Variants in UNC45B observed in about 807,000 individuals in gnomAD.
UNC45B encodes the protein protein unc-45 homolog B.
UNC45B carries 78 observed loss-of-function variants against 98.7 expected under a neutral mutation model. The observed-to-expected ratio is 0.79, with a 90% CI of 0.66 to 0.95. UNC45B has a LOEUF of 0.95. Among genes scored for constraint, UNC45B ranks in the 40% least tolerant of loss-of-function variants. The probability of loss-of-function intolerance (pLI) is 0.00; values close to 1 mark genes in which losing one functional copy is unlikely to be tolerated. For missense variants in UNC45B, 1,225 were observed against 1,184.9 expected (o/e 1.03, Z -0.50); for synonymous variants, 462 against 480.4 (o/e 0.96, Z 0.50).
At position 35,163,744 on chromosome 17, in the gene UNC45B, G is replaced by A. The variant is rs6505444; in HGVS notation, c.980-251G>A. Among the ~76,000 whole-genome samples, 47,393 of 151,976 alleles carry A rather than the reference G, an allele frequency of 0.31. 7,593 individuals carry two copies. Among genetic ancestry groups the A allele is most frequent in the Middle Eastern group, 0.38 (112 of 292 alleles). On this transcript the variant is annotated intron_variant, in intron 8 of 19. Transcript: ENST00000394570. Reference sequence around the variant, plus strand: ...AGCACTGGTAGAGTCCTCTGAGATCGACTAGTCCTGATTTTGTACACATGA... The same window carrying A: ...AGCACTGGTAGAGTCCTCTGAGATCAACTAGTCCTGATTTTGTACACATGA...
In UNC45B at chr17:35,180,546, C is replaced by G. The variant is rs776001596; in HGVS notation, c.2256-13C>G. 6 of 1,607,538 alleles carry G rather than the reference C, an allele frequency of 3.7e-6. No individual in the cohort carries two copies. In the South Asian group the frequency reaches 6.6e-5, roughly 18 times the overall value. ...GACTCAAGGGTCTTTCTTCCTCCAC[C>G]CTCCTACCCTAGGCAGAAGATCTTT... On this transcript the variant is annotated splice_polypyrimidine_tract_variant and intron_variant, in intron 17 of 19. Coordinates refer to ENST00000394570, the MANE Select transcript of UNC45B (RefSeq NM_001267052.2).
chr17:35,183,981 A>G (rs2092289032), intron 19 of UNC45B, among the ~76,000 whole-genome samples: 1 of 152,230 alleles, frequency 6.6e-6, no homozygotes, highest in South Asian at 2.1e-4. Context: ...AGTGGGCACA[A>G]TGACCAGCTC....
rs58095559 is a variant in UNC45B at position 35,148,262 on chromosome 17, A to G, written c.1-2A>G. 8.2e-5 allele frequency: 133 copies of G among 1,614,070 alleles called. No individual in the cohort carries two copies. The African/African-American group carries it at 1.5e-3, about 19-fold the overall frequency. ...CAGACAGAGCTTCTCCTGTCCCAGC[A>G]GATGGCAGAGGTGGAAGCGGTACAG... On this transcript the variant is annotated splice_acceptor_variant, in intron 1 of 19. Coordinates refer to ENST00000394570, the MANE Select transcript of UNC45B (RefSeq NM_001267052.2). LOFTEE classifies it low-confidence loss of function (5UTR_SPLICE).
chr17:35,170,607 G>A (rs1285696759), intron 12 of UNC45B, among the ~76,000 whole-genome samples: 92 of 151,978 alleles, frequency 6.1e-4, no homozygotes, highest in Non-Finnish European at 7.4e-5. Context: ...AGGCTGAGGC[G>A]GGCGGATGGC....
chr17:35,175,053 AAG>A (rs1363246547), intron 14 of UNC45B, among the ~76,000 whole-genome samples: 64 of 137,468 alleles, frequency 4.7e-4, no homozygotes, highest in Non-Finnish European at 9.1e-4. Context: ...GAAAGAAAGA[AAG>A]GAAAGAAGAA....
chr17:35,186,428 A>G lies in UNC45B; in HGVS notation c.2659A>G (p.Ser887Gly), dbSNP rs2092304652. The G allele has an allele frequency of 2.5e-6, 4 of 1,614,214 alleles. No homozygotes were observed. The highest frequency in any genetic ancestry group is 3.4e-6 in the Non-Finnish European group (4 of 1,180,032). Residue 887 changes from serine to glycine, a missense_variant, in exon 20 of 20, where the codon AGT becomes GGT. Physicochemically the swap from Ser to Gly is moderately conservative, Grantham distance 56 (BLOSUM62 0). Transcript: ENST00000394570. ...TGAGCTGGCCAAGAAGCTGGTGGAG[A>G]GTGAGCTGCTGGAGATCCTGACTGT... ...DAELAKKLVE[S>G]ELLEILTVVG...
chr17:35,185,202 T>A (rs1377162635), intron 19 of UNC45B, among the ~76,000 whole-genome samples: 1 of 152,184 alleles, frequency 6.6e-6, no homozygotes, highest in African/African-American at 2.4e-5. Context: ...TGTCTACCCA[T>A]GTGCTTGTGG....
At chr17:35,180,481 G>A in intron 17 of UNC45B, 78 bp from the exon 18 acceptor site, 7 of 1,115,800 alleles carry the variant, frequency 6.3e-6, no homozygotes, top group Non-Finnish European at 9.3e-6. Context: ...TGGAAGAATG[G>A]TCCCTGGGTG....
intron 13 of UNC45B, 38 bp downstream of exon 13, chr17:35,171,500 G>T (rs774309429): frequency 1.9e-6 from 3 of 1,601,154 alleles, no homozygotes; most frequent in Non-Finnish European, 2.6e-6. Context: ...TCTGGTCTGT[G>T]CCACTAGGCC....
At chr17:35,184,592 T>C (rs1465412234) in intron 19 of UNC45B, among the ~76,000 whole-genome samples, 1 of 152,196 alleles carries the variant, frequency 6.6e-6, no homozygotes, top group Non-Finnish European at 1.5e-5. Context: ...ATTTATTAAG[T>C]CATTTAATTC....
At chr17:35,161,034 T>G (rs1422264124) in intron 8 of UNC45B, among the ~76,000 whole-genome samples, 1 of 152,214 alleles carries the variant, frequency 6.6e-6, no homozygotes, top group Non-Finnish European at 1.5e-5. Flanking sequence ...CTTTAACACA[T>G]TACCCTACTG....
rs1476381671 is a variant in UNC45B, at chr17:35,186,870, A to G, written c.*311A>G. The G allele has an allele frequency of 3.9e-6, 1 of 259,610 alleles. No individual in the cohort carries two copies. The highest frequency in any genetic ancestry group is 7.4e-6 in the Non-Finnish European group (1 of 134,256). 16.1% of individuals were successfully genotyped at this position (259,610 alleles called of 1,614,324 possible). On this transcript the variant is annotated 3_prime_UTR_variant, in exon 20 of 20. Transcript: ENST00000394570. ...TTCTGTACCCATTCTGAAGGCCAGGATAATAGGTTGAAGTTCTTTATATTT... is the reference window on the plus strand; with the variant it reads ...TTCTGTACCCATTCTGAAGGCCAGGGTAATAGGTTGAAGTTCTTTATATTT...
intron 13 of UNC45B, among the ~76,000 whole-genome samples, chr17:35,174,015 G>A (rs2092208653): frequency 1.3e-5 from 2 of 151,800 alleles, no homozygotes; most frequent in South Asian, 4.2e-4. Context: ...GTTTTACCGT[G>A]TTAGCCAGGA....
chr17:35,177,484 C>A lies in UNC45B; in HGVS notation c.2140-11C>A. On this transcript the variant is annotated splice_polypyrimidine_tract_variant and intron_variant, in intron 16 of 19. Transcript: ENST00000394570. ...CCTCACCTGACCAAACCCTTGACCC[C>A]TCCCCAACAGGTGTATGAGGTGGTG... is the stretch of plus-strand genomic sequence containing the variant. 6.4e-7 allele frequency: 1 copy of A among 1,552,222 alleles called. No individual in the cohort carries two copies. Among genetic ancestry groups the A allele is most frequent in the Non-Finnish European group, 8.7e-7 (1 of 1,146,474 alleles).
At chr17:35,163,546 C>A (rs6505443) in intron 8 of UNC45B, among the ~76,000 whole-genome samples, 2 of 151,892 alleles carry the variant, frequency 1.3e-5, no homozygotes, top group African/African-American at 4.8e-5. Context: ...TTTATTGAGT[C>A]ATAGTAGTGT....
chr17:35,154,731 A>G lies in UNC45B; in HGVS notation c.629A>G (p.His210Arg). Residue 210 changes from histidine (H) to arginine (R), a missense_variant, in exon 6 of 20, where the codon CAC becomes CGC. His to Arg is a conservative substitution (Grantham distance 29). Transcript: ENST00000394570. ...VRTLSGMCSG[H>R]QARATVILHA... Reference sequence around the variant, plus strand: ...ACCCTGTCGGGCATGTGCAGCGGCCACCAAGCCAGAGTAAGTGCCCGGCTG... The same window carrying G: ...ACCCTGTCGGGCATGTGCAGCGGCCGCCAAGCCAGAGTAAGTGCCCGGCTG... The G allele has an allele frequency of 6.3e-7, 1 of 1,588,916 alleles. No individual in the cohort carries two copies. The highest frequency in any genetic ancestry group is 8.5e-7 in the Non-Finnish European group (1 of 1,171,192).
chr17:35,186,389 C>T lies in UNC45B; in HGVS notation c.2620C>T (p.Leu874=). 2 of 1,614,260 alleles carry T rather than the reference C, an allele frequency of 1.2e-6. No individual in the cohort carries two copies. Among genetic ancestry groups the T allele is most frequent in the Non-Finnish European group, 1.7e-6 (2 of 1,180,052 alleles). The part of the protein sequence containing the change: ...HRGLVIAYNL[L]AADAELAKKL... ...GGGCCTGGTCATTGCCTACAACCTA[C>T]TGGCAGCCGATGCTGAGCTGGCCAA... Residue 874 remains leucine, a synonymous_variant, in exon 20 of 20, where the codon CTG becomes TTG. Coordinates refer to ENST00000394570, the MANE Select transcript of UNC45B (RefSeq NM_001267052.2).
At position 35,177,497 on chromosome 17, in the gene UNC45B, G is replaced by A. The variant is rs767581997; in HGVS notation, c.2142G>A (p.Val714=). The part of the protein sequence containing the change: ...NPDIAFPGER[V]YEVVRPLVRL... ...AACCCTTGACCCCTCCCCAACAGGTGTATGAGGTGGTGCGGCCCCTTGTAA... is the reference window on the plus strand; with the variant it reads ...AACCCTTGACCCCTCCCCAACAGGTATATGAGGTGGTGCGGCCCCTTGTAA... Residue 714 remains valine, a splice_region_variant and synonymous_variant, in exon 17 of 20, where the codon GTG becomes GTA. Transcript: ENST00000394570. The A allele has an allele frequency of 3.2e-6, 5 of 1,558,386 alleles. No individual in the cohort carries two copies. Among genetic ancestry groups the A allele is most frequent in the South Asian group, 2.4e-5 (2 of 84,470 alleles).
chr17:35,180,514 G>A lies in UNC45B; in HGVS notation c.2256-45G>A, dbSNP rs538902349. On this transcript the variant is annotated intron_variant, in intron 17 of 19. Coordinates refer to ENST00000394570, the MANE Select transcript of UNC45B (RefSeq NM_001267052.2). ...GTGGCCAGAAAACCCCTATGGTCAC[G>A]GCAGAAGACTCAAGGGTCTTTCTTC... 97 of 1,536,732 alleles carry A rather than the reference G, an allele frequency of 6.3e-5. No homozygotes were observed. In the Middle Eastern group the frequency reaches 1.5e-3, roughly 24 times the overall value.
Sources: allele counts gnomAD v4.1 joint callset (sites outside exome capture counted in the v4.1 genomes callset), GRCh38; gene constraint gnomAD v4.1.1; transcripts MANE v1.5; gene names NCBI Gene and HGNC (gene_info 2026-07-23, HGNC 2026-07-21).